The following SLC39A9 variants were observed in gnomAD, a reference collection of about 807,000 sequenced individuals.
SLC39A9 encodes zinc transporter ZIP9.
Under a neutral mutation model 28.4 loss-of-function variants are expected in SLC39A9, and 14 were observed. That is an observed-to-expected ratio of 0.49 (90% confidence interval 0.33 to 0.77). The LOEUF (loss-of-function observed/expected upper bound fraction) is 0.77, where lower values mean the gene tolerates loss of function less well. Ranked by LOEUF, SLC39A9 falls within the 30% of genes least tolerant of loss-of-function variation. SLC39A9 has a pLI of 0.02. For missense variants in SLC39A9, 283 were observed against 381.1 expected (o/e 0.74, Z 2.14); for synonymous variants, 119 against 149.6 (o/e 0.80, Z 1.49).
Position 69,399,255 on chromosome 14 carries a change from G to T in SLC39A9, c.-115G>T. 1.2e-6 allele frequency: 1 copy of T among 865,202 alleles called. No individual in the cohort carries two copies. The highest frequency in any genetic ancestry group is 1.5e-5 in the South Asian group (1 of 66,984). The allele number at this position is 865,202 out of a possible 1,614,324, so 53.6% of individuals were successfully genotyped here. A position where few individuals can be genotyped will look rare whatever the true frequency, so the allele number is the denominator to read the frequency against. ...ACATCTGCTGGTGGGAAGGCCTAAA[G>T]AACTGGAAAGCCCACTCTCTTGGAA... On this transcript the variant is annotated 5_prime_UTR_variant, in exon 1 of 7. Coordinates refer to ENST00000336643, the MANE Select transcript of SLC39A9 (RefSeq NM_018375.5).
chr14:69,419,980 GCATTGAGCC>G (rs1883792936), intron 1 of SLC39A9, among the ~76,000 whole-genome samples: 1 of 152,104 alleles, frequency 6.6e-6, no homozygotes, highest in Non-Finnish European at 1.5e-5. Flanking sequence ...TTTAATTGGG[GCATTGAGCC>G]CATTTACATT....
chr14:69,444,682 C>T lies in SLC39A9; in HGVS notation c.403+2416C>T, dbSNP rs140796066. On this transcript the variant is annotated intron_variant, in intron 3 of 6. Coordinates refer to ENST00000336643, the MANE Select transcript of SLC39A9 (RefSeq NM_018375.5). Reference sequence around the variant, plus strand: ...CAAATACAGCTCCAATATGAAAATACATATGCACAAGATTATTCAATGCAG... The same window carrying T: ...CAAATACAGCTCCAATATGAAAATATATATGCACAAGATTATTCAATGCAG... Among the ~76,000 whole-genome samples the T allele has an allele frequency of 1.2e-4, 18 of 152,290 alleles. No homozygotes were observed. The East Asian group carries it at 3.5e-3, about 29-fold the overall frequency.
chr14:69,409,295 C>T (rs1016411889), intron 1 of SLC39A9, among the ~76,000 whole-genome samples: 2 of 152,122 alleles, frequency 1.3e-5, no homozygotes, highest in African/African-American at 2.4e-5. Context: ...GGTAGTATAT[C>T]ATAAGCATTT....
intron 1 of SLC39A9, among the ~76,000 whole-genome samples, chr14:69,423,165 T>A (rs905220342): frequency 1.2e-4 from 18 of 152,226 alleles, no homozygotes; most frequent in African/African-American, 4.1e-4. Context: ...TAACTTGTTC[T>A]ACTTATAAAT....
intron 2 of SLC39A9, among the ~76,000 whole-genome samples, chr14:69,434,307 C>T (rs1884641161): frequency 6.6e-6 from 1 of 151,696 alleles, no homozygotes; most frequent in Admixed American, 6.5e-5. Context: ...TGGTCTTGAA[C>T]TCCTGACCTC....
At position 69,459,054 on chromosome 14, in the gene SLC39A9, A is replaced by G; in HGVS notation, c.*461A>G. The G allele has an allele frequency of 1.0e-6, 1 of 988,512 alleles. No individual in the cohort carries two copies. Among genetic ancestry groups the G allele is most frequent in the Non-Finnish European group, 1.2e-6 (1 of 831,468 alleles). 61.2% of individuals were successfully genotyped at this position (988,512 alleles called of 1,614,324 possible). On this transcript the variant is annotated 3_prime_UTR_variant, in exon 7 of 7. Transcript: ENST00000336643. The stretch of plus-strand genomic sequence containing the variant: ...CACCATGTAAGACTGGTGCTTTAGC[A>G]TCTATGCCACATGCGTTGATGGAAG...
intron 1 of SLC39A9, among the ~76,000 whole-genome samples, chr14:69,419,980 G>T (rs1883792616): frequency 6.6e-6 from 1 of 152,104 alleles, no homozygotes; most frequent in African/African-American, 2.4e-5. Context: ...TTTAATTGGG[G>T]CATTGAGCCC....
chr14:69,436,930 C>G (rs958806085), intron 2 of SLC39A9, among the ~76,000 whole-genome samples: 1 of 152,202 alleles, frequency 6.6e-6, no homozygotes, highest in Non-Finnish European at 1.5e-5. Context: ...ACACTTCAGA[C>G]CACTGGGATC....
chr14:69,460,736 C>T lies in SLC39A9; in HGVS notation c.*2143C>T. On this transcript the variant is annotated 3_prime_UTR_variant, in exon 7 of 7. Transcript: ENST00000336643. The stretch of plus-strand genomic sequence containing the variant: ...ACCATCTGACTTCCAAATTTGCCTT[C>T]CCCTCTGGACCTCACTATTAACAAG... The T allele has an allele frequency of 1.0e-6, 1 of 985,464 alleles. No individual in the cohort carries two copies. The highest frequency in any genetic ancestry group is 4.7e-5 in the South Asian group (1 of 21,292). The allele number at this position is 985,464 out of a possible 1,614,324, so 61.0% of individuals were successfully genotyped here. A position where few individuals can be genotyped will look rare whatever the true frequency, so the allele number is the denominator to read the frequency against.
chr14:69,455,311 T>G lies in SLC39A9; in HGVS notation c.558+414T>G, dbSNP rs149407275. ...GCCTGGTTTTGTTTTTTGGTTTTTT[T>G]TGTGTGTGTGTGGGTTTTTTGTTTT... On this transcript the variant is annotated intron_variant, in intron 5 of 6. Transcript: ENST00000336643. Among the ~76,000 whole-genome samples, 985 of 152,150 alleles carry G rather than the reference T, an allele frequency of 6.5e-3. 7 individuals carry two copies. The highest frequency in any genetic ancestry group is 0.022 in the African/African-American group (933 of 41,508).
At chr14:69,409,680 G>GTA (rs1034123424) in intron 1 of SLC39A9, among the ~76,000 whole-genome samples, 1 of 152,136 alleles carries the variant, frequency 6.6e-6, no homozygotes, top group Non-Finnish European at 1.5e-5. Flanking sequence ...ATTCAATTAT[G>GTA]TACAGAAATT....
At position 69,425,138 on chromosome 14, in the gene SLC39A9, G is replaced by C. The variant is rs114276204; in HGVS notation, c.205+936G>C. On this transcript the variant is annotated intron_variant, in intron 2 of 6. Coordinates refer to ENST00000336643, the MANE Select transcript of SLC39A9 (RefSeq NM_018375.5). ...TGCATTGGGGAACAGTAATAAATCA[G>C]GAGCCTTAAAGCAGTGGTCTCTACT... Among the ~76,000 whole-genome samples the C allele has an allele frequency of 5.7e-3, 869 of 152,244 alleles. 6 individuals are homozygous for C. The highest frequency in any genetic ancestry group is 0.02 in the African/African-American group (833 of 41,542).
intron 3 of SLC39A9, among the ~76,000 whole-genome samples, chr14:69,445,019 T>TA (rs1885226238): frequency 6.7e-6 from 1 of 150,316 alleles, no homozygotes. Flanking sequence ...TGTGAACTGA[T>TA]AGGGAGAGAT....
Position 69,458,734 on chromosome 14 carries a change from G to C in SLC39A9, c.*141G>C. ...TTCCTAGAGTCCAGAGGGGAGGTGA[G>C]GTTAAAACCTGAGTAATGGAAAAGC... On this transcript the variant is annotated 3_prime_UTR_variant, in exon 7 of 7. Coordinates refer to ENST00000336643, the MANE Select transcript of SLC39A9 (RefSeq NM_018375.5). 2 of 1,395,850 alleles carry C rather than the reference G, an allele frequency of 1.4e-6. No homozygotes were observed. Among genetic ancestry groups the C allele is most frequent in the South Asian group, 3.6e-5 (2 of 56,084 alleles). The allele number at this position is 1,395,850 out of a possible 1,614,324, so 86.5% of individuals were successfully genotyped here. A position where few individuals can be genotyped will look rare whatever the true frequency, so the allele number is the denominator to read the frequency against.
Position 69,461,338 on chromosome 14 carries a change from A to C in SLC39A9, c.*2745A>C. ...ATTCCCCTCACTTATTCTCCAGTTA[A>C]TTGCTTGTCAGTTCCATTTCAAGAA... On this transcript the variant is annotated 3_prime_UTR_variant, in exon 7 of 7. Coordinates refer to ENST00000336643, the MANE Select transcript of SLC39A9 (RefSeq NM_018375.5). The C allele has an allele frequency of 9.2e-7, 1 of 1,083,864 alleles. No individual in the cohort carries two copies. Among genetic ancestry groups the C allele is most frequent in the Non-Finnish European group, 1.1e-6 (1 of 888,126 alleles). 67.1% of individuals were successfully genotyped at this position (1,083,864 alleles called of 1,614,324 possible). A position where few individuals can be genotyped will look rare whatever the true frequency, so the allele number is the denominator to read the frequency against.
Position 69,461,709 on chromosome 14 carries a change from G to C in SLC39A9, c.*3116G>C, listed in dbSNP as rs1414278486. 12 of 1,535,870 alleles carry C rather than the reference G, an allele frequency of 7.8e-6. No individual in the cohort carries two copies. The highest frequency in any genetic ancestry group is 1.0e-5 in the Non-Finnish European group (12 of 1,146,852). Reference sequence around the variant, plus strand: ...TCTCTTTTTCAAGGATTAGAACTAAGAGGACACACCAGCATCGGAGTGTAT... The same window carrying C: ...TCTCTTTTTCAAGGATTAGAACTAACAGGACACACCAGCATCGGAGTGTAT... On this transcript the variant is annotated 3_prime_UTR_variant, in exon 7 of 7. Transcript: ENST00000336643.
intron 2 of SLC39A9, among the ~76,000 whole-genome samples, chr14:69,431,587 A>G (rs548891385): frequency 5.7e-4 from 85 of 148,136 alleles, no homozygotes; most frequent in African/African-American, 2.0e-3. Flanking sequence ...TTTATTTTAG[A>G]TTCAGGGGGT....
intron 2 of SLC39A9, among the ~76,000 whole-genome samples, chr14:69,438,851 G>C (rs1170288064): frequency 6.6e-6 from 1 of 152,198 alleles, no homozygotes; most frequent in African/African-American, 2.4e-5. Context: ...CCATGTATCA[G>C]ATTCTTTATA....
chr14:69,442,344 C>G, intron 3 of SLC39A9, 78 bp downstream of exon 3: 3 of 1,380,166 alleles, frequency 2.2e-6, no homozygotes, highest in Non-Finnish European at 3.1e-6. Flanking sequence ...ATATTTCAGT[C>G]TGTATCAGTG....
Sources: allele counts gnomAD v4.1 joint callset (sites outside exome capture counted in the v4.1 genomes callset), GRCh38; gene constraint gnomAD v4.1.1; transcripts MANE v1.5; gene names NCBI Gene and HGNC (gene_info 2026-07-23, HGNC 2026-07-21).